TNS3: variants seen among roughly 807,000 people sequenced by gnomAD.
The protein encoded by TNS3 is tensin-3.
A neutral mutation model predicts 140.9 loss-of-function variants in TNS3; 45 were observed. That is an observed-to-expected ratio of 0.32 (90% CI 0.25 to 0.41). The LOEUF (loss-of-function observed/expected upper bound fraction) is 0.41. Among genes scored for constraint, TNS3 ranks in the 10% least tolerant of loss-of-function variants. The probability of loss-of-function intolerance (pLI) is 1.00; values close to 1 mark genes in which losing one functional copy is unlikely to be tolerated. For synonymous variants in TNS3, 815 were observed against 788.4 expected, an observed-to-expected ratio of 1.03 and a Z score of -0.56; for missense variants, 1,716 against 1,906.7, an observed-to-expected ratio of 0.90 and a Z score of 1.86.
chr7:47,276,298 TCACACACGCATA>T lies in TNS3; in HGVS notation c.*1766_*1777del, dbSNP rs930055543. On this transcript the variant is annotated 3_prime_UTR_variant, in exon 31 of 31. Coordinates refer to ENST00000311160, the MANE Select transcript of TNS3 (RefSeq NM_022748.12). ...AAAAAGTGGAATGGTCCACCTGCTT[TCACACACGCATA>T]CACGCACGCATGCACACACGCACAC... 1 of 179,598 alleles carries T rather than the reference TCACACACGCATA, an allele frequency of 5.6e-6. No individual in the cohort carries two copies. Among genetic ancestry groups the T allele is most frequent in the African/African-American group, 2.4e-5 (1 of 42,014 alleles). 11.1% of individuals were successfully genotyped at this position (179,598 alleles called of 1,614,324 possible).
In TNS3 at chr7:47,389,406, A is replaced by C. The variant is rs186457516; in HGVS notation, c.1024+7394T>G. On this transcript the variant is annotated intron_variant, in intron 16 of 30. Coordinates refer to ENST00000311160, the MANE Select transcript of TNS3 (RefSeq NM_022748.12). The stretch of plus-strand genomic sequence containing the variant: ...AGGACAAATCCAGCCAACTCTCAGC[A>C]CCTCTTTCTCTGTCCCAGGGGGTGA... Among the ~76,000 whole-genome samples, 773 of 152,206 alleles carry C rather than the reference A, an allele frequency of 5.1e-3. 2 individuals are homozygous for C. The highest frequency in any genetic ancestry group is 0.014 in the Middle Eastern group (4 of 294).
intron 16 of TNS3, among the ~76,000 whole-genome samples, chr7:47,375,274 G>A (rs759974379): frequency 2.0e-5 from 3 of 152,000 alleles, no homozygotes; most frequent in Admixed American, 6.6e-5. Flanking sequence ...TTTCCCTTGC[G>A]TTGCCACCAG....
chr7:47,320,966 C>T (rs766149005), intron 20 of TNS3, among the ~76,000 whole-genome samples: 51 of 152,298 alleles, frequency 3.3e-4, no homozygotes, highest in Middle Eastern at 3.4e-3. Context: ...TCCATCGCGA[C>T]GAGGAAGAAA....
intron 4 of TNS3, chr7:47,452,864 G>A (rs1458989947): frequency 7.3e-6 from 7 of 960,570 alleles, no homozygotes; most frequent in Non-Finnish European, 8.7e-6. Flanking sequence ...GAGGAGGGTG[G>A]CCAGGGACAG....
At chr7:47,415,334 G>A (rs1487321399) in intron 10 of TNS3, 128 bp from the exon 11 acceptor site, 1 of 635,052 alleles carries the variant, frequency 1.6e-6, no homozygotes, top group Non-Finnish European at 2.7e-6. Context: ...ACTGCTCACA[G>A]CCAGGGGTTC....
At chr7:47,569,817 G>A (rs1280108797) in intron 1 of TNS3, among the ~76,000 whole-genome samples, 1 of 151,534 alleles carries the variant, frequency 6.6e-6, no homozygotes, top group Non-Finnish European at 1.5e-5. Context: ...TGGTGCCACT[G>A]CACTCCAGCC....
intron 3 of TNS3, among the ~76,000 whole-genome samples, chr7:47,487,999 A>G (rs1797673791): frequency 6.6e-6 from 1 of 152,102 alleles, no homozygotes; most frequent in Non-Finnish European, 1.5e-5. Context: ...GGACCTTACG[A>G]TATAATTGGG....
intron 21 of TNS3, among the ~76,000 whole-genome samples, chr7:47,304,470 G>C (rs529529778): frequency 6.6e-6 from 1 of 152,140 alleles, no homozygotes; most frequent in African/African-American, 2.4e-5. Context: ...ATGGTCTCAC[G>C]TATGAATGTC....
intron 13 of TNS3, among the ~76,000 whole-genome samples, chr7:47,406,206 A>T (rs1314965186): frequency 1.3e-5 from 2 of 152,174 alleles, no homozygotes; most frequent in Admixed American, 1.3e-4. Context: ...GCACACTGCA[A>T]AGATGGGATG....
intron 9 of TNS3, among the ~76,000 whole-genome samples, chr7:47,424,769 C>T (rs1213805264): frequency 6.6e-6 from 1 of 152,180 alleles, no homozygotes; most frequent in African/African-American, 2.4e-5. Flanking sequence ...CTGTAGGGCA[C>T]TGGGGTTGGA....
At chr7:47,499,357 A>G (rs755275779) in intron 3 of TNS3, among the ~76,000 whole-genome samples, 14 of 152,264 alleles carry the variant, frequency 9.2e-5, no homozygotes, top group Admixed American at 2.6e-4. Flanking sequence ...GGGATCTTAC[A>G]GGAAAAGGAA....
chr7:47,306,495 T>C (rs1307223493), intron 20 of TNS3, among the ~76,000 whole-genome samples: 2 of 152,236 alleles, frequency 1.3e-5, no homozygotes, highest in African/African-American at 2.4e-5. Context: ...GAAGCACTTT[T>C]TTGGTCACAC....
intron 21 of TNS3, among the ~76,000 whole-genome samples, chr7:47,303,900 C>T (rs1358915422): frequency 1.3e-5 from 2 of 152,174 alleles, no homozygotes; most frequent in African/African-American, 2.4e-5. Context: ...GCATCTTCAC[C>T]GGGTCAAGGC....
At chr7:47,541,269 A>G (rs1017222833) in intron 1 of TNS3, among the ~76,000 whole-genome samples, 32 of 152,208 alleles carry the variant, frequency 2.1e-4, no homozygotes, top group Middle Eastern at 3.2e-3. Flanking sequence ...CAGGAATCAG[A>G]TATTGGTGTG....
rs1053695196 is a variant in TNS3, at chr7:47,420,588, G to A, written c.473+3513C>T. 5.9e-5 allele frequency among the ~76,000 whole-genome samples: 9 copies of A among 152,210 alleles called. No individual in the cohort carries two copies. In the South Asian group the frequency reaches 8.3e-4, roughly 14 times the overall value. ...TATGCATTCGGGCAGCCCCCTCTGA[G>A]GGAAGAATCACGGGAAAGGGGCACA... On this transcript the variant is annotated intron_variant, in intron 10 of 30. Transcript: ENST00000311160.
chr7:47,507,371 A>T (rs1798457241), intron 2 of TNS3, among the ~76,000 whole-genome samples: 1 of 152,240 alleles, frequency 6.6e-6, no homozygotes, highest in Non-Finnish European at 1.5e-5. Context: ...AAAAAAGAAG[A>T]GAAACTGGAA....
chr7:47,549,910 A>C (rs1800017125), intron 1 of TNS3, among the ~76,000 whole-genome samples: 1 of 151,574 alleles, frequency 6.6e-6, no homozygotes, highest in South Asian at 2.1e-4. Flanking sequence ...TGCAGTATCA[A>C]CTCTACCCAC....
At chr7:47,307,023 T>A (rs1203229389) in intron 20 of TNS3, among the ~76,000 whole-genome samples, 1 of 152,234 alleles carries the variant, frequency 6.6e-6, no homozygotes, top group Non-Finnish European at 1.5e-5. Flanking sequence ...AAACCACACC[T>A]TTATATATTG....
intron 16 of TNS3, among the ~76,000 whole-genome samples, chr7:47,375,608 A>C (rs751179230): frequency 2.0e-5 from 3 of 152,236 alleles, no homozygotes; most frequent in Non-Finnish European, 4.4e-5. Flanking sequence ...AAGAGGGTTA[A>C]GAGGCACTCA....
Sources: gnomAD v4.1 joint callset for allele counts (sites outside exome capture counted in the v4.1 genomes callset) on GRCh38, gnomAD v4.1.1 for gene constraint, MANE v1.5 for transcripts, NCBI Gene and HGNC (gene_info 2026-07-23, HGNC 2026-07-21) for gene names.